The following NCKAP5 variants were observed in gnomAD, a reference collection of about 807,000 sequenced individuals.
NCKAP5 encodes the protein NCK associated protein 5.
NCKAP5 carries 92 observed loss-of-function variants against 167.0 expected under a neutral mutation model. The observed-to-expected ratio is 0.55, with a 90% CI of 0.47 to 0.66. The LOEUF is 0.66. Ranked by LOEUF, NCKAP5 falls within the 30% of genes least tolerant of loss-of-function variation. NCKAP5 has a pLI of 0.00. For synonymous variants in NCKAP5, 891 were observed against 877.4 expected (o/e 1.02, Z -0.27); for missense variants, 2,378 against 2,315.0 (o/e 1.03, Z -0.56).
chr2:132,962,185 G>A lies in NCKAP5; in HGVS notation c.579+1535C>T, dbSNP rs149177587. Among the ~76,000 whole-genome samples, 567 of 152,270 alleles carry A rather than the reference G, an allele frequency of 3.7e-3. 1 individual carries two copies. Among genetic ancestry groups the A allele is most frequent in the Middle Eastern group, 0.01 (3 of 294 alleles). On this transcript the variant is annotated intron_variant, in intron 8 of 19. Coordinates refer to ENST00000409261, the MANE Select transcript of NCKAP5 (RefSeq NM_207363.3). ...CACAGTCCTTATATTGTTAATCACTGTGCCCAGGTAAGTAGGAACAAAATT... is the reference window on the plus strand; with the variant it reads ...CACAGTCCTTATATTGTTAATCACTATGCCCAGGTAAGTAGGAACAAAATT...
At chr2:132,834,037 A>G (rs533407092) in intron 11 of NCKAP5, among the ~76,000 whole-genome samples, 4 of 152,168 alleles carry the variant, frequency 2.6e-5, no homozygotes, top group African/African-American at 4.8e-5. Flanking sequence ...TCTTTCATCA[A>G]TGTTTGATTT....
intron 4 of NCKAP5, among the ~76,000 whole-genome samples, chr2:133,225,534 T>C (rs2086843454): frequency 6.6e-6 from 1 of 152,132 alleles, no homozygotes; most frequent in Non-Finnish European, 1.5e-5. Context: ...CACAGGAAAG[T>C]TTATACACTA....
intron 6 of NCKAP5, among the ~76,000 whole-genome samples, chr2:133,069,321 T>G (rs992480389): frequency 2.0e-5 from 3 of 152,242 alleles, no homozygotes; most frequent in Non-Finnish European, 2.9e-5. Flanking sequence ...GCCCCTTTCC[T>G]AACTCTTTTC....
chr2:133,472,882 T>C (rs1023020848), intron 3 of NCKAP5, among the ~76,000 whole-genome samples: 2 of 152,106 alleles, frequency 1.3e-5, no homozygotes, highest in Non-Finnish European at 2.9e-5. Flanking sequence ...GAAATCTCTT[T>C]ACATGTTGGA....
chr2:133,056,531 A>AT (rs2149500158), intron 6 of NCKAP5, among the ~76,000 whole-genome samples: 1 of 152,192 alleles, frequency 6.6e-6, no homozygotes, highest in South Asian at 2.1e-4. Context: ...ACTAATTTTC[A>AT]TTTTCAGAGG....
chr2:132,803,172 T>C (rs1385508689), intron 11 of NCKAP5, among the ~76,000 whole-genome samples: 1 of 152,226 alleles, frequency 6.6e-6, no homozygotes, highest in East Asian at 1.9e-4. Flanking sequence ...GATGTGACAG[T>C]GTGCCTTCCA....
At chr2:133,387,868 T>C (rs2150977111) in intron 3 of NCKAP5, among the ~76,000 whole-genome samples, 1 of 152,366 alleles carries the variant, frequency 6.6e-6, no homozygotes, top group South Asian at 2.1e-4. Flanking sequence ...ATCACATAGT[T>C]CTTGTGCCAT....
intron 8 of NCKAP5, among the ~76,000 whole-genome samples, chr2:132,927,882 A>G (rs1234496370): frequency 2.0e-5 from 3 of 152,112 alleles, no homozygotes; most frequent in African/African-American, 7.2e-5. Flanking sequence ...TTCTCCTTCT[A>G]TACCTTCTAC....
chr2:133,031,435 T>C (rs1364234515), intron 6 of NCKAP5, among the ~76,000 whole-genome samples: 1 of 152,154 alleles, frequency 6.6e-6, no homozygotes, highest in African/African-American at 2.4e-5. Flanking sequence ...GAATCACAGA[T>C]CCCAGCTGTT....
intron 3 of NCKAP5, among the ~76,000 whole-genome samples, chr2:133,479,256 C>T (rs6738849): frequency 0.017 from 2,638 of 152,282 alleles, 69 homozygotes; most frequent in African/African-American, 0.061. Context: ...TATTATGTGC[C>T]TAACATTTAT....
intron 3 of NCKAP5, among the ~76,000 whole-genome samples, chr2:133,384,582 A>G (rs1686789108): frequency 6.6e-6 from 1 of 152,156 alleles, no homozygotes; most frequent in East Asian, 1.9e-4. Flanking sequence ...GTTTTTTCCA[A>G]TTCTGTGAAG....
chr2:133,017,550 G>C (rs1357515499), intron 6 of NCKAP5, among the ~76,000 whole-genome samples: 1 of 151,974 alleles, frequency 6.6e-6, no homozygotes, highest in Non-Finnish European at 1.5e-5. Context: ...TGGAAACATG[G>C]CTGAAGGTGC....
In NCKAP5 at chr2:132,728,900, G is replaced by T. The variant is rs745723964; in HGVS notation, c.5496C>A (p.Cys1832Ter). ...QNEAEPRPQT[C>*]SSFGYAEDPM... ...GGTCTTCAGCATATCCGAATGATGA[G>T]CATGTCTGAGGCCTTGGCTCTGCTT... The change falls in exon 18 of 20, where the codon TGC becomes TGA. Residue 1832 changes from cysteine (C) to a stop codon, truncating the protein, a stop_gained. Transcript: ENST00000409261. LOFTEE classifies it high-confidence loss of function. 1.9e-6 allele frequency: 3 copies of T among 1,613,974 alleles called. No homozygotes were observed. The highest frequency in any genetic ancestry group is 2.5e-6 in the Non-Finnish European group (3 of 1,179,872).
chr2:132,798,307 C>T (rs1237192981), intron 11 of NCKAP5, among the ~76,000 whole-genome samples: 1 of 152,132 alleles, frequency 6.6e-6, no homozygotes, highest in Non-Finnish European at 1.5e-5. Context: ...TAGTAAGCAG[C>T]CCATTAGTGC....
At chr2:133,154,428 T>C (rs1334430282) in intron 5 of NCKAP5, among the ~76,000 whole-genome samples, 2 of 152,194 alleles carry the variant, frequency 1.3e-5, no homozygotes, top group African/African-American at 2.4e-5. Context: ...ATAAATGACA[T>C]AGTTATTATT....
chr2:132,992,745 A>T (rs1260936364), intron 7 of NCKAP5, among the ~76,000 whole-genome samples: 2 of 152,134 alleles, frequency 1.3e-5, no homozygotes, highest in East Asian at 3.9e-4. Context: ...CTTTGTCAAG[A>T]CCACCCTCTC....
intron 5 of NCKAP5, among the ~76,000 whole-genome samples, chr2:133,176,296 C>G (rs1369987247): frequency 6.6e-6 from 1 of 152,146 alleles, no homozygotes; most frequent in Non-Finnish European, 1.5e-5. Context: ...AAATGAATTG[C>G]CATAACACTG....
chr2:133,388,050 G>A (rs1305459374), intron 3 of NCKAP5, among the ~76,000 whole-genome samples: 3 of 152,294 alleles, frequency 2.0e-5, no homozygotes, highest in South Asian at 4.1e-4. Flanking sequence ...ACTCATCAAC[G>A]TAATTCTCCA....
chr2:132,723,714 G>A (rs72844766), intron 19 of NCKAP5, among the ~76,000 whole-genome samples: 15,556 of 152,172 alleles, frequency 0.1, 979 homozygotes, highest in East Asian at 0.14. Context: ...CATTTCCATC[G>A]TTGAGGGAGG....
Sources: allele counts gnomAD v4.1 joint callset (sites outside exome capture counted in the v4.1 genomes callset), GRCh38; gene constraint gnomAD v4.1.1; transcripts MANE v1.5; gene names NCBI Gene and HGNC (gene_info 2026-07-23, HGNC 2026-07-21).